The following NSF variants were observed in gnomAD, a reference collection of about 807,000 sequenced individuals.
NSF encodes the protein vesicle-fusing ATPase.
In NSF, 14 loss-of-function variants were observed where a neutral mutation model predicts 50.3. That is an observed-to-expected ratio of 0.28 (90% CI 0.18 to 0.44). The LOEUF (loss-of-function observed/expected upper bound fraction) is 0.44, where lower values mean the gene tolerates loss of function less well. Ranked by LOEUF, NSF falls within the 20% of genes least tolerant of loss-of-function variation. NSF has a pLI of 1.00. For synonymous variants in NSF, 109 were observed against 175.7 expected, an observed-to-expected ratio of 0.62 and a Z score of 3.00; for missense variants, 218 against 504.3, an observed-to-expected ratio of 0.43 and a Z score of 5.44.
intron 19 of NSF, 44 bp from the exon 20 acceptor site, chr17:46,755,270 A>G (rs373797681): frequency 2.9e-5 from 43 of 1,460,630 alleles, no homozygotes; most frequent in Non-Finnish European, 4.1e-5. Flanking sequence ...CAGAGTTGTT[A>G]GAAGGTACCA....
chr17:46,740,054 G>T (rs1403992805), intron 17 of NSF, among the ~76,000 whole-genome samples: 1 of 152,162 alleles, frequency 6.6e-6, no homozygotes, highest in East Asian at 1.9e-4. Flanking sequence ...TGGGCACTGT[G>T]TCTAGTGGGT....
chr17:46,725,248 C>G (rs1297527111), intron 15 of NSF, among the ~76,000 whole-genome samples: 1 of 152,164 alleles, frequency 6.6e-6, no homozygotes, highest in African/African-American at 2.4e-5. Context: ...TTACTGAATT[C>G]TGTTCTGTGC....
chr17:46,745,217 A>G (rs550504631), intron 17 of NSF, among the ~76,000 whole-genome samples: 277 of 152,304 alleles, frequency 1.8e-3, no homozygotes, highest in African/African-American at 6.4e-3. Flanking sequence ...ATCCCATGCA[A>G]TGTATCACTT....
At position 46,691,758 on chromosome 17, in the gene NSF, A is replaced by AT. The variant is rs896031869; in HGVS notation, c.946-1139dup. Reference sequence around the variant, plus strand: ...TTTACCAGTTTTGTTAATCCCTAGTATTTTTTGTTTTTGAGACGGAGTCTC... The same window carrying AT: ...TTTACCAGTTTTGTTAATCCCTAGTATTTTTTTGTTTTTGAGACGGAGTCTC... On this transcript the variant is annotated intron_variant, in intron 9 of 20. Transcript: ENST00000398238. 4.8e-4 allele frequency among the ~76,000 whole-genome samples: 73 copies of AT among 151,104 alleles called. 3 individuals are homozygous for AT. The highest frequency in any genetic ancestry group is 1.7e-3 in the African/African-American group (69 of 40,944).
rs1422102310 is a variant in NSF at position 46,675,671 on chromosome 17, C to T, written c.945+1058C>T. Among the ~76,000 whole-genome samples the T allele has an allele frequency of 2.9e-5, 4 of 136,388 alleles. 1 individual carries two copies. In the South Asian group the frequency reaches 9.2e-4, roughly 31 times the overall value. The allele number at this position is 136,388 out of a possible 152,430, so 89.5% of individuals were successfully genotyped here. On this transcript the variant is annotated intron_variant, in intron 9 of 20. Transcript: ENST00000398238. ...ACACACACACACACACACGAACATTCTATTGGTTCTGTTTGTCTGTTCTGA... is the reference window on the plus strand; with the variant it reads ...ACACACACACACACACACGAACATTTTATTGGTTCTGTTTGTCTGTTCTGA...
chr17:46,685,787 T>G (rs1207505194), intron 9 of NSF, among the ~76,000 whole-genome samples: 5 of 149,048 alleles, frequency 3.4e-5, no homozygotes, highest in African/African-American at 1.2e-4. Flanking sequence ...TTGATGTTAT[T>G]GTACTGACTA....
chr17:46,723,564 A>C (rs1467316317), intron 15 of NSF, among the ~76,000 whole-genome samples: 1 of 152,202 alleles, frequency 6.6e-6, no homozygotes, highest in African/African-American at 2.4e-5. Flanking sequence ...GGGGAGGAGA[A>C]GATAAAAGGC....
chr17:46,720,159 G>A (rs993438861), intron 15 of NSF, among the ~76,000 whole-genome samples: 6 of 152,138 alleles, frequency 3.9e-5, no homozygotes, highest in African/African-American at 1.4e-4. Context: ...GGATGTTTTT[G>A]GTTAACATCC....
rs375594195 is a variant in NSF at position 46,678,487 on chromosome 17, A to AAGAG, written c.945+3894_945+3897dup. 8.1e-4 allele frequency among the ~76,000 whole-genome samples: 119 copies of AAGAG among 147,010 alleles called. 2 individuals carry two copies. In the Middle Eastern group the frequency reaches 0.011, roughly 13 times the overall value. ...AGAATGAAAGGAATTAAGAGAGAGT[A>AAGAG]AGAGAGAGAGAGAGAGAGAGAGAAT... On this transcript the variant is annotated intron_variant, in intron 9 of 20. Transcript: ENST00000398238.
At chr17:46,721,748 A>G (rs539228191) in intron 15 of NSF, 16 of 1,604,938 alleles carry the variant, frequency 1.0e-5, no homozygotes, top group Admixed American at 3.3e-5. Flanking sequence ...TCTCTTGCCC[A>G]CAATTTCGCT....
At chr17:46,609,942 C>T (rs1159586463) in intron 1 of NSF, among the ~76,000 whole-genome samples, 2 of 143,902 alleles carry the variant, frequency 1.4e-5, no homozygotes, top group African/African-American at 5.1e-5. Context: ...TCACCTCAGC[C>T]CCCTGAATAA....
chr17:46,729,914 A>G (rs1404103254), intron 17 of NSF, among the ~76,000 whole-genome samples: 1 of 152,080 alleles, frequency 6.6e-6, no homozygotes, highest in Admixed American at 6.6e-5. Flanking sequence ...AGTCTTGAAG[A>G]TTTGCAACAT....
At chr17:46,727,979 T>C (rs1294096272) in intron 16 of NSF, among the ~76,000 whole-genome samples, 1 of 152,130 alleles carries the variant, frequency 6.6e-6, no homozygotes, top group African/African-American at 2.4e-5. Context: ...GAATGTGCCA[T>C]GTATTTTGGA....
chr17:46,753,056 AC>A (rs1424255721), intron 19 of NSF, among the ~76,000 whole-genome samples: 1 of 152,250 alleles, frequency 6.6e-6, no homozygotes, highest in Non-Finnish European at 1.5e-5. Context: ...GGTGTGAGCC[AC>A]TGCGCCCGGC....
chr17:46,754,491 AG>A (rs1192623225), intron 19 of NSF, among the ~76,000 whole-genome samples: 1 of 152,214 alleles, frequency 6.6e-6, no homozygotes, highest in Non-Finnish European at 1.5e-5. Flanking sequence ...TTTAAAAGTT[AG>A]GTGTGTTTCT....
intron 9 of NSF, among the ~76,000 whole-genome samples, chr17:46,678,771 A>G (rs1598673807): frequency 7.8e-6 from 1 of 127,412 alleles, no homozygotes; most frequent in Admixed American, 8.1e-5. Flanking sequence ...GCAAAGGAAA[A>G]TTACCTTCAA....
chr17:46,721,675 G>T (rs2058832077), intron 15 of NSF: 1 of 1,603,782 alleles, frequency 6.2e-7, no homozygotes, highest in Non-Finnish European at 8.5e-7. Flanking sequence ...GTTCCACATT[G>T]TTCTGCTGTG....
intron 17 of NSF, among the ~76,000 whole-genome samples, chr17:46,748,888 C>T (rs1249043173): frequency 6.6e-6 from 1 of 152,152 alleles, no homozygotes; most frequent in African/African-American, 2.4e-5. Context: ...TAGTACTCTG[C>T]ATGGCCTAGC....
intron 15 of NSF, among the ~76,000 whole-genome samples, chr17:46,716,093 C>T (rs1230687526): frequency 6.6e-6 from 1 of 152,088 alleles, no homozygotes; most frequent in African/African-American, 2.4e-5. Context: ...CAAAATATTT[C>T]CCTGCAAATA....
Sources: gnomAD v4.1 joint callset for allele counts (sites outside exome capture counted in the v4.1 genomes callset) on GRCh38, gnomAD v4.1.1 for gene constraint, MANE v1.5 for transcripts, NCBI Gene and HGNC (gene_info 2026-07-23, HGNC 2026-07-21) for gene names.